Variants in RYK observed in about 807,000 individuals in gnomAD.
RYK encodes receptor like tyrosine kinase, also known as inactive tyrosine-protein kinase RYK.
In RYK, 21 loss-of-function variants were observed where a neutral mutation model predicts 70.2. The ratio of observed to expected loss-of-function variants is 0.30; its 90% confidence interval spans 0.21 to 0.43. The LOEUF (loss-of-function observed/expected upper bound fraction) is 0.43. Ranked by LOEUF, RYK falls within the 20% of genes least tolerant of loss-of-function variation. The pLI, the probability that RYK is intolerant of heterozygous loss-of-function variation, is 1.00. For missense variants in RYK, 604 were observed against 753.3 expected, an observed-to-expected ratio of 0.80 and a Z score of 2.32; for synonymous variants, 267 against 278.0, an observed-to-expected ratio of 0.96 and a Z score of 0.39.
chr3:134,196,264 C>T (rs1049850209), intron 6 of RYK, among the ~76,000 whole-genome samples: 2 of 152,112 alleles, frequency 1.3e-5, no homozygotes, highest in Non-Finnish European at 2.9e-5. Context: ...GCAGTGGAGA[C>T]GTGAAACATA....
At chr3:134,211,444 T>C (rs1259156941) in intron 3 of RYK, 64 bp downstream of exon 3, 1 of 1,101,796 alleles carries the variant, frequency 9.1e-7, no homozygotes. Flanking sequence ...AACTTCTGTT[T>C]TGGGGCCATA....
At chr3:134,237,842 T>C (rs2015231752) in intron 1 of RYK, among the ~76,000 whole-genome samples, 1 of 152,236 alleles carries the variant, frequency 6.6e-6, no homozygotes, top group African/African-American at 2.4e-5. Context: ...AGTTTCCATA[T>C]GCCATTTAAA....
intron 1 of RYK, 66 bp downstream of exon 1, chr3:134,250,357 G>T (rs2015581429): frequency 6.6e-6 from 7 of 1,057,884 alleles, no homozygotes; most frequent in Non-Finnish European, 7.4e-6. Context: ...AGACTGATCC[G>T]CCGGCGGCCG....
In RYK at chr3:134,250,742, C is replaced by G; in HGVS notation, c.-88G>C. 1 of 622,784 alleles carries G rather than the reference C, an allele frequency of 1.6e-6. No individual in the cohort carries two copies. Among genetic ancestry groups the G allele is most frequent in the Non-Finnish European group, 2.0e-6 (1 of 499,658 alleles). The allele number at this position is 622,784 out of a possible 1,614,324, so 38.6% of individuals were successfully genotyped here. ...GCCCCGAGCCGCTCACAGCCCCGAG[C>G]CGGGGGCGGCTGCCCAGCTCATCGC... is the stretch of plus-strand genomic sequence containing the variant. On this transcript the variant is annotated 5_prime_UTR_variant, in exon 1 of 15. Coordinates refer to ENST00000623711, the MANE Select transcript of RYK (RefSeq NM_002958.4).
At chr3:134,189,511 A>G (rs930090018) in intron 8 of RYK, among the ~76,000 whole-genome samples, 6 of 152,170 alleles carry the variant, frequency 3.9e-5, no homozygotes, top group Non-Finnish European at 7.4e-5. Context: ...CTGTAATCCC[A>G]GCACTTTGGG....
At chr3:134,201,405 G>A (rs1006920587) in intron 6 of RYK, among the ~76,000 whole-genome samples, 1 of 152,104 alleles carries the variant, frequency 6.6e-6, no homozygotes, top group Non-Finnish European at 1.5e-5. Flanking sequence ...GACTAATTAG[G>A]ACTGGTGACT....
chr3:134,180,550 C>T (rs1222997516), intron 10 of RYK: 1 of 152,142 alleles, frequency 6.6e-6, no homozygotes, highest in Non-Finnish European at 1.5e-5. Flanking sequence ...AAGATCATTT[C>T]ATTTTCATTC....
At chr3:134,234,434 C>T (rs2015149453) in intron 1 of RYK, among the ~76,000 whole-genome samples, 2 of 151,944 alleles carry the variant, frequency 1.3e-5, no homozygotes, top group East Asian at 1.9e-4. Flanking sequence ...AAGAGAAAGA[C>T]CAAAAGAGAA....
chr3:134,172,406 C>T lies in RYK; in HGVS notation c.1575+3203G>A, dbSNP rs957430515. On this transcript the variant is annotated intron_variant, in intron 13 of 14. Transcript: ENST00000623711. ...AACCAATTCCTCCTGTCCCCTTTCC[C>T]ACTCCATGAAAATAGCTTTGCTTAA... Among the ~76,000 whole-genome samples, 6 of 152,300 alleles carry T rather than the reference C, an allele frequency of 3.9e-5. No individual in the cohort carries two copies. In the South Asian group the frequency reaches 1.0e-3, roughly 26 times the overall value.
intron 9 of RYK, among the ~76,000 whole-genome samples, chr3:134,185,152 A>C (rs1389329832): frequency 1.3e-5 from 2 of 151,956 alleles, no homozygotes; most frequent in African/African-American, 4.8e-5. Flanking sequence ...TTAATTAATT[A>C]AATAATAATT....
chr3:134,179,854 T>C (rs920703333), intron 10 of RYK: 1 of 152,338 alleles, frequency 6.6e-6, no homozygotes, highest in African/African-American at 2.4e-5. Context: ...TTTTATCCAT[T>C]AGGTTTGCTG....
chr3:134,250,265 G>A (rs985849166), intron 1 of RYK, among the ~76,000 whole-genome samples, 158 bp downstream of exon 1: 4 of 152,104 alleles, frequency 2.6e-5, no homozygotes, highest in Non-Finnish European at 4.4e-5. Context: ...CTCCCAGCCA[G>A]CACGGCAGGC....
Position 134,159,250 on chromosome 3 carries a change from A to G in RYK, c.1699T>C (p.Cys567Arg). ...DGYRIAQPIN[C>R]PDELFAVMAC... ...AAAAAAACTCACAATTCATCAGGAC[A>G]GTTGATTGGCTGGGCTATTCGGTAA... Residue 567 changes from cysteine to arginine, a missense_variant, in exon 14 of 15, where the codon TGT becomes CGT. This residue lies in a region of RYK where 138 missense variants were observed against 217.4 expected (regional missense o/e 0.63). Coordinates refer to ENST00000623711, the MANE Select transcript of RYK (RefSeq NM_002958.4). 1 of 1,613,878 alleles carries G rather than the reference A, an allele frequency of 6.2e-7. No homozygotes were observed. The highest frequency in any genetic ancestry group is 8.5e-7 in the Non-Finnish European group (1 of 1,179,808).
At chr3:134,198,618 G>T (rs902793177) in intron 6 of RYK, among the ~76,000 whole-genome samples, 4 of 152,194 alleles carry the variant, frequency 2.6e-5, no homozygotes, top group Non-Finnish European at 5.9e-5. Flanking sequence ...GTGAGCCCCA[G>T]TGACAGCTCA....
intron 1 of RYK, among the ~76,000 whole-genome samples, chr3:134,223,010 CCT>C (rs1481340797): frequency 6.6e-5 from 10 of 152,214 alleles, no homozygotes; most frequent in African/African-American, 2.4e-4. Context: ...ACCTCCACCT[CCT>C]CTGACAACAC....
At chr3:134,245,544 G>C (rs1190601556) in intron 1 of RYK, among the ~76,000 whole-genome samples, 1 of 152,102 alleles carries the variant, frequency 6.6e-6, no homozygotes, top group East Asian at 1.9e-4. Flanking sequence ...AGATGCCAAA[G>C]GCTGATGTGA....
At position 134,222,033 on chromosome 3, in the gene RYK, C is replaced by A. The variant is rs145670317; in HGVS notation, c.354+385G>T. Among the ~76,000 whole-genome samples the A allele has an allele frequency of 7.4e-3, 1,131 of 152,294 alleles. 19 individuals carry two copies. Among genetic ancestry groups the A allele is most frequent in the African/African-American group, 0.025 (1,036 of 41,560 alleles). On this transcript the variant is annotated intron_variant, in intron 2 of 14. Coordinates refer to ENST00000623711, the MANE Select transcript of RYK (RefSeq NM_002958.4). ...CATGAGTGGGAGAACTGTATCCATT[C>A]TGTCCAACATGTCTAAAAAGCCTAT... is the stretch of plus-strand genomic sequence containing the variant.
At chr3:134,163,311 T>C (rs2012543106) in intron 13 of RYK, among the ~76,000 whole-genome samples, 1 of 152,208 alleles carries the variant, frequency 6.6e-6, no homozygotes, top group Non-Finnish European at 1.5e-5. Context: ...CTCTAAGGTC[T>C]TCCGATAACT....
intron 6 of RYK, among the ~76,000 whole-genome samples, chr3:134,195,496 A>G (rs537839195): frequency 6.6e-6 from 1 of 152,338 alleles, no homozygotes; most frequent in Admixed American, 6.5e-5. Context: ...GGAACTACGG[A>G]TCATCTCTCA....
Sources: gnomAD v4.1 joint callset for allele counts (sites outside exome capture counted in the v4.1 genomes callset) on GRCh38, gnomAD v4.1.1 for gene constraint, gnomAD v4.1.1 regional missense constraint, MANE v1.5 for transcripts, NCBI Gene and HGNC (gene_info 2026-07-23, HGNC 2026-07-21) for gene names.